Variants in AP3B1 observed in about 807,000 individuals in gnomAD.
The protein encoded by AP3B1 is adaptor related protein complex 3 subunit beta 1.
AP3B1 carries 61 observed loss-of-function variants against 132.5 expected under a neutral mutation model. The ratio of observed to expected loss-of-function variants is 0.46; its 90% CI spans 0.37 to 0.57. The LOEUF (loss-of-function observed/expected upper bound fraction) is 0.57. Ranked by LOEUF, AP3B1 falls within the 20% of genes least tolerant of loss-of-function variation. The probability of loss-of-function intolerance (pLI) is 0.00; values close to 1 mark genes in which losing one functional copy is unlikely to be tolerated. For synonymous variants in AP3B1, 388 were observed against 438.3 expected, an observed-to-expected ratio of 0.89 and a Z score of 1.43; for missense variants, 1,120 against 1,289.4, an observed-to-expected ratio of 0.87 and a Z score of 2.01.
At chr5:78,107,479 A>C (rs1436288162) in intron 20 of AP3B1, among the ~76,000 whole-genome samples, 1 of 152,214 alleles carries the variant, frequency 6.6e-6, no homozygotes, top group African/African-American at 2.4e-5. Flanking sequence ...TGAATGCCAC[A>C]GTTGGCAGAA....
chr5:78,013,584 T>C (rs189300088), intron 26 of AP3B1, among the ~76,000 whole-genome samples: 2 of 152,316 alleles, frequency 1.3e-5, no homozygotes, highest in Admixed American at 1.3e-4. Flanking sequence ...TTTGGTGTTT[T>C]AGTAAATTCA....
chr5:78,011,677 A>ATCTGTACTTTATACCATTACAT lies in AP3B1; in HGVS notation c.3131+3711_3131+3732dup, dbSNP rs1224880678. ...ATTTTCTATTAAGTGTTCAATTAAA[A>ATCTGTACTTTATACCATTACAT]TCTGTACTTTATACCATTACATACT... On this transcript the variant is annotated intron_variant, in intron 26 of 26. Coordinates refer to ENST00000255194, the MANE Select transcript of AP3B1 (RefSeq NM_003664.5). Among the ~76,000 whole-genome samples, 9 of 152,314 alleles carry ATCTGTACTTTATACCATTACAT rather than the reference A, an allele frequency of 5.9e-5. No homozygotes were observed. The East Asian group carries it at 1.7e-3, about 29-fold the overall frequency.
At chr5:78,160,448 A>C (rs1743342925) in intron 13 of AP3B1, among the ~76,000 whole-genome samples, 1 of 152,184 alleles carries the variant, frequency 6.6e-6, no homozygotes, top group Non-Finnish European at 1.5e-5. Context: ...TTAATCTTAG[A>C]GAGTAATAAT....
chr5:78,231,789 C>T (rs78654773), intron 3 of AP3B1, among the ~76,000 whole-genome samples: 3,452 of 152,306 alleles, frequency 0.023, 143 homozygotes, highest in African/African-American at 0.076. Context: ...ATGTCAGACA[C>T]TGTTCTAAAT....
At chr5:78,283,879 T>A (rs1289251566) in intron 1 of AP3B1, among the ~76,000 whole-genome samples, 1 of 152,216 alleles carries the variant, frequency 6.6e-6, no homozygotes, top group Admixed American at 6.5e-5. Flanking sequence ...CACTCCTTAC[T>A]GTGCAAACCT....
chr5:78,096,812 C>G (rs1052133062), intron 21 of AP3B1, among the ~76,000 whole-genome samples: 10 of 151,844 alleles, frequency 6.6e-5, no homozygotes, highest in Non-Finnish European at 1.3e-4. Flanking sequence ...CGTCTCCGCC[C>G]GGCAGCCGCC....
chr5:78,243,793 G>C (rs1196932136), intron 2 of AP3B1, among the ~76,000 whole-genome samples: 1 of 152,162 alleles, frequency 6.6e-6, no homozygotes, highest in African/African-American at 2.4e-5. Context: ...ACTGGAGTAA[G>C]TGAGGGGAAG....
chr5:78,136,479 C>G (rs1307885257), intron 15 of AP3B1, among the ~76,000 whole-genome samples: 7 of 152,150 alleles, frequency 4.6e-5, no homozygotes, highest in Non-Finnish European at 1.0e-4. Context: ...TAGGAATACA[C>G]AAAACATACA....
chr5:78,174,557 A>G (rs1343564990), intron 11 of AP3B1, among the ~76,000 whole-genome samples: 1 of 152,234 alleles, frequency 6.6e-6, no homozygotes, highest in East Asian at 1.9e-4. Context: ...CAAATACTGT[A>G]GAACAGCAAA....
intron 22 of AP3B1, chr5:78,043,999 G>T: frequency 3.4e-6 from 1 of 294,910 alleles, no homozygotes; most frequent in South Asian, 3.8e-5. Flanking sequence ...CAATGCATCA[G>T]AAACATTAGA....
At chr5:78,213,564 G>C (rs1460233891) in intron 7 of AP3B1, among the ~76,000 whole-genome samples, 1 of 152,010 alleles carries the variant, frequency 6.6e-6, no homozygotes, top group African/African-American at 2.4e-5. Flanking sequence ...TGATTATTCT[G>C]GGCTAAACGA....
intron 14 of AP3B1, among the ~76,000 whole-genome samples, chr5:78,154,059 T>A (rs1743029195): frequency 6.6e-6 from 1 of 152,220 alleles, no homozygotes; most frequent in Non-Finnish European, 1.5e-5. Flanking sequence ...CTTTGAATGA[T>A]TTCTTCCTGC....
chr5:78,190,023 T>C (rs1489364278), intron 7 of AP3B1, among the ~76,000 whole-genome samples: 2 of 151,754 alleles, frequency 1.3e-5, no homozygotes, highest in African/African-American at 2.4e-5. Context: ...TTCCACATGA[T>C]TCAATGATCT....
At chr5:78,018,290 T>A (rs1443782393) in intron 25 of AP3B1, among the ~76,000 whole-genome samples, 1 of 151,978 alleles carries the variant, frequency 6.6e-6, no homozygotes, top group Admixed American at 6.6e-5. Context: ...AATAATCTAA[T>A]CTTTCATTTA....
chr5:78,082,436 G>A (rs1750054825), intron 22 of AP3B1, among the ~76,000 whole-genome samples: 2 of 152,080 alleles, frequency 1.3e-5, no homozygotes. Context: ...CTAGATTTCA[G>A]GGTTTACAGC....
At chr5:78,107,941 A>G (rs955576751) in intron 20 of AP3B1, among the ~76,000 whole-genome samples, 2 of 152,260 alleles carry the variant, frequency 1.3e-5, no homozygotes, top group Admixed American at 6.5e-5. Context: ...TATTTTTAAC[A>G]TAACACTTGA....
chr5:78,252,980 C>T (rs1024563659), intron 2 of AP3B1, among the ~76,000 whole-genome samples: 1 of 152,128 alleles, frequency 6.6e-6, no homozygotes, highest in South Asian at 2.1e-4. Context: ...AGTGGCCACA[C>T]GGGTGCTTGT....
At chr5:78,050,425 T>C (rs1748531057) in intron 22 of AP3B1, among the ~76,000 whole-genome samples, 1 of 152,196 alleles carries the variant, frequency 6.6e-6, no homozygotes, top group African/African-American at 2.4e-5. Flanking sequence ...TTGCAAATAA[T>C]ATACCTCTAG....
intron 14 of AP3B1, among the ~76,000 whole-genome samples, chr5:78,144,414 T>C (rs1753293836): frequency 6.6e-6 from 1 of 152,176 alleles, no homozygotes. Flanking sequence ...CTGTAAGCAG[T>C]TCAATTTAAA....
Sources: gnomAD v4.1 joint callset for allele counts (sites outside exome capture counted in the v4.1 genomes callset) on GRCh38, gnomAD v4.1.1 for gene constraint, MANE v1.5 for transcripts, NCBI Gene and HGNC (gene_info 2026-07-23, HGNC 2026-07-21) for gene names.